The following ASAH2 variants were observed in gnomAD, a reference collection of about 807,000 sequenced individuals.
The protein encoded by ASAH2 is neutral ceramidase.
A neutral mutation model predicts 82.9 loss-of-function variants in ASAH2; 58 were observed. That is an observed-to-expected ratio of 0.70 (90% CI 0.57 to 0.87). ASAH2 has a LOEUF of 0.87. Ranked by LOEUF, ASAH2 falls within the 40% of genes least tolerant of loss-of-function variation. ASAH2 has a pLI of 0.00. For missense variants in ASAH2, 779 were observed against 834.0 expected (o/e 0.93, Z 0.81); for synonymous variants, 276 against 289.7 (o/e 0.95, Z 0.48).
intron 2 of ASAH2, among the ~76,000 whole-genome samples, chr10:50,245,850 T>A (rs1476988641): frequency 6.6e-6 from 1 of 152,120 alleles, no homozygotes. Flanking sequence ...TTCCTCTCCA[T>A]CTACCAAACT....
At position 50,185,174 on chromosome 10, in the gene ASAH2, T is replaced by G. The variant is rs878945379; in HGVS notation, c.*2141A>C. ...CCAGTCCCTGCAGCATCCACAGACA[T>G]GAATTGGATCTGTGTTTTTATATCA... On this transcript the variant is annotated 3_prime_UTR_variant, in exon 21 of 21. Coordinates refer to ENST00000682911, the MANE Select transcript of ASAH2 (RefSeq NM_019893.4). 6.7e-6 allele frequency: 1 copy of G among 149,538 alleles called. No individual in the cohort carries two copies. Among genetic ancestry groups the G allele is most frequent in the Non-Finnish European group, 1.5e-5 (1 of 67,688 alleles). The allele number at this position is 149,538 out of a possible 1,614,324, so 9.3% of individuals were successfully genotyped here. A position where few individuals can be genotyped will look rare whatever the true frequency, so the allele number is the denominator to read the frequency against.
chr10:50,204,407 C>T (rs891115279), intron 14 of ASAH2, among the ~76,000 whole-genome samples: 2 of 151,692 alleles, frequency 1.3e-5, no homozygotes, highest in African/African-American at 4.8e-5. Flanking sequence ...GAGGAAGAAA[C>T]AGAAAAAGAG....
intron 6 of ASAH2, 98 bp from the exon 7 acceptor site, chr10:50,233,359 C>G (rs1222991291): frequency 1.2e-6 from 1 of 832,972 alleles, no homozygotes; most frequent in Non-Finnish European, 2.1e-6. Flanking sequence ...AAAAATGCCT[C>G]TCAGTAAGTG....
intron 7 of ASAH2, among the ~76,000 whole-genome samples, chr10:50,229,284 C>G (rs1004387225): frequency 6.6e-6 from 1 of 151,874 alleles, no homozygotes; most frequent in Non-Finnish European, 1.5e-5. Flanking sequence ...TTTTAATTCA[C>G]AATTCAGAAC....
chr10:50,198,835 C>A (rs1169897782), intron 17 of ASAH2, among the ~76,000 whole-genome samples: 1 of 151,874 alleles, frequency 6.6e-6, no homozygotes, highest in Admixed American at 6.6e-5. Flanking sequence ...TTAACTAGAT[C>A]CAAAATTTGG....
At chr10:50,200,151 C>T (rs1284913216) in intron 16 of ASAH2, among the ~76,000 whole-genome samples, 3 of 151,504 alleles carry the variant, frequency 2.0e-5, no homozygotes, top group Non-Finnish European at 4.4e-5. Flanking sequence ...AATCAGTCCT[C>T]TGCCTATACA....
At chr10:50,209,036 G>A (rs1845385266) in intron 12 of ASAH2, among the ~76,000 whole-genome samples, 1 of 152,004 alleles carries the variant, frequency 6.6e-6, no homozygotes, top group Admixed American at 6.6e-5. Flanking sequence ...TTATAGAATG[G>A]GTAAATAATA....
In ASAH2 at chr10:50,218,559, G is replaced by C. The variant is rs1216477172; in HGVS notation, c.965C>G (p.Ala322Gly). ...CTTCTCTTGCTCAAGCAGGTAAGATGCATAGCCCACATTGTCACTGTTTAC... is the reference window on the plus strand; with the variant it reads ...CTTCTCTTGCTCAAGCAGGTAAGATCCATAGCCCACATTGTCACTGTTTAC... ...HLVNSDNVGY[A>G]SYLLEQEKNK... The change falls in exon 8 of 21, where the codon GCA (alanine) becomes GGA (glycine). Residue 322 changes from alanine to glycine, a missense_variant. By Grantham distance (60) the Ala-to-Gly change is moderately conservative. Coordinates refer to ENST00000682911, the MANE Select transcript of ASAH2 (RefSeq NM_019893.4). The C allele has an allele frequency of 6.2e-7, 1 of 1,613,698 alleles. No individual in the cohort carries two copies. Among genetic ancestry groups the C allele is most frequent in the African/African-American group, 1.3e-5 (1 of 74,974 alleles).
chr10:50,227,530 T>G (rs1424299700), intron 7 of ASAH2, among the ~76,000 whole-genome samples: 2 of 152,208 alleles, frequency 1.3e-5, no homozygotes, highest in Non-Finnish European at 2.9e-5. Flanking sequence ...CATGATTGAT[T>G]CGAGGTAGTA....
At chr10:50,234,371 G>A (rs1846093136) in intron 6 of ASAH2, 54 bp downstream of exon 6, 4 of 1,611,452 alleles carry the variant, frequency 2.5e-6, no homozygotes, top group East Asian at 4.5e-5. Context: ...CTTAGATTTT[G>A]TTGCTGTTCC....
chr10:50,240,077 C>T (rs930223018), intron 4 of ASAH2, among the ~76,000 whole-genome samples: 1 of 152,074 alleles, frequency 6.6e-6, no homozygotes, highest in Non-Finnish European at 1.5e-5. Context: ...ATCCACCTGC[C>T]TCAGCTTCCC....
At chr10:50,250,902 GT>G (rs1269134334) in intron 1 of ASAH2, among the ~76,000 whole-genome samples, 3 of 152,122 alleles carry the variant, frequency 2.0e-5, no homozygotes, top group African/African-American at 7.2e-5. Flanking sequence ...TCATCATTCT[GT>G]TTAGCTGCCA....
At chr10:50,237,434 GA>G (rs1846190256) in intron 4 of ASAH2, among the ~76,000 whole-genome samples, 4 of 152,314 alleles carry the variant, frequency 2.6e-5, no homozygotes, top group African/African-American at 9.6e-5. Flanking sequence ...TCATGACACA[GA>G]AGTGATTACA....
chr10:50,211,617 C>A (rs1423935376), intron 10 of ASAH2, among the ~76,000 whole-genome samples: 16 of 152,134 alleles, frequency 1.1e-4, no homozygotes. Flanking sequence ...CACCCACAAT[C>A]CACTCTTCGG....
At chr10:50,203,504 T>C in intron 15 of ASAH2, 136 bp downstream of exon 15, 1 of 830,736 alleles carries the variant, frequency 1.2e-6, no homozygotes, top group South Asian at 1.4e-5. Context: ...GTTCTTATAC[T>C]ACCAATATTT....
In ASAH2 at chr10:50,212,182, A is replaced by AACACACACACACAC. The variant is rs3837301; in HGVS notation, c.1227+776_1227+789dup. Among the ~76,000 whole-genome samples the AACACACACACACAC allele has an allele frequency of 5.0e-3, 731 of 147,006 alleles. 7 individuals carry two copies. Among genetic ancestry groups the AACACACACACACAC allele is most frequent in the South Asian group, 0.039 (177 of 4,582 alleles). ...TAGAACCCTTGGAATAAACTATTTA[A>AACACACACACACAC]ACACACACACACACACACACACACA... On this transcript the variant is annotated intron_variant, in intron 10 of 20. Coordinates refer to ENST00000682911, the MANE Select transcript of ASAH2 (RefSeq NM_019893.4).
At chr10:50,232,361 C>T (rs941752321) in intron 7 of ASAH2, among the ~76,000 whole-genome samples, 1 of 152,116 alleles carries the variant, frequency 6.6e-6, no homozygotes, top group African/African-American at 2.4e-5. Context: ...AGGGTAGTCA[C>T]AGAACTTGTC....
intron 8 of ASAH2, among the ~76,000 whole-genome samples, chr10:50,216,781 T>A (rs1845612827): frequency 6.6e-6 from 1 of 152,204 alleles, no homozygotes; most frequent in Admixed American, 6.5e-5. Context: ...AAGAGATAAC[T>A]AAGTATTGGA....
chr10:50,186,111 C>G lies in ASAH2; in HGVS notation c.*1204G>C, dbSNP rs1482270779. The G allele has an allele frequency of 7.9e-6, 1 of 126,408 alleles. No homozygotes were observed. The highest frequency in any genetic ancestry group is 2.2e-4 in the East Asian group (1 of 4,576). The allele number at this position is 126,408 out of a possible 1,614,324, so 7.8% of individuals were successfully genotyped here. A position where few individuals can be genotyped will look rare whatever the true frequency, so the allele number is the denominator to read the frequency against. On this transcript the variant is annotated 3_prime_UTR_variant, in exon 21 of 21. Coordinates refer to ENST00000682911, the MANE Select transcript of ASAH2 (RefSeq NM_019893.4). Reference sequence around the variant, plus strand: ...ATAGTATTTAGCAAACTGTCTGGAGCCTCTTTCCCCCCAAATTAGAGTATC... The same window carrying G: ...ATAGTATTTAGCAAACTGTCTGGAGGCTCTTTCCCCCCAAATTAGAGTATC...
Sources: gnomAD v4.1 joint callset for allele counts (sites outside exome capture counted in the v4.1 genomes callset) on GRCh38, gnomAD v4.1.1 for gene constraint, MANE v1.5 for transcripts, NCBI Gene and HGNC (gene_info 2026-07-23, HGNC 2026-07-21) for gene names.